SLC1A6: variants seen among roughly 807,000 people sequenced by gnomAD.
The protein encoded by SLC1A6 is excitatory amino acid transporter 4.
SLC1A6 carries 15 observed loss-of-function variants against 42.1 expected under a neutral mutation model. That is an observed-to-expected ratio of 0.36 (90% CI 0.24 to 0.55). The LOEUF is 0.55. SLC1A6 is among the 20% of genes least tolerant of loss of function. The pLI is 0.88. For synonymous variants in SLC1A6, 317 were observed against 319.7 expected (o/e 0.99, Z 0.09); for missense variants, 542 against 772.5 (o/e 0.70, Z 3.54).
chr19:14,967,721 A>G (rs941210275), intron 4 of SLC1A6, among the ~76,000 whole-genome samples: 2 of 152,192 alleles, frequency 1.3e-5, no homozygotes, highest in African/African-American at 2.4e-5. Flanking sequence ...TAGGAGTTAA[A>G]CAAACACTAG....
intron 1 of SLC1A6, among the ~76,000 whole-genome samples, chr19:14,998,044 T>A (rs1329410873): frequency 1.3e-5 from 2 of 151,924 alleles, no homozygotes; most frequent in Non-Finnish European, 2.9e-5. Context: ...AATGAATAAA[T>A]CAAGCTATTA....
rs770357344 is a variant in SLC1A6, at chr19:14,950,380, G to A, written c.1510C>T (p.Arg504Cys). Residue 504 changes from arginine to cysteine, a missense_variant, in exon 10 of 10, where the codon CGC (arginine) becomes TGC (cysteine). By Grantham distance (180) the Arg-to-Cys change is radical. Transcript: ENST00000594383. ...TCCCCCAGTACGTTGGTCATTGTGC[G>A]AAGCCGGTCACTGGTACAGGGGAGA... ...IAVDWFLDRL[R>C]TMTNVLGDSI... The A allele has an allele frequency of 1.3e-6, 2 of 1,581,110 alleles. No individual in the cohort carries two copies. Among genetic ancestry groups the A allele is most frequent in the South Asian group, 1.1e-5 (1 of 87,300 alleles).
intron 5 of SLC1A6, 105 bp from the exon 6 acceptor site, chr19:14,962,450 G>T: frequency 2.7e-6 from 2 of 736,094 alleles, no homozygotes; most frequent in Non-Finnish European, 4.6e-6. Flanking sequence ...CACCCTGGAA[G>T]ATCGATAAGA....
intron 1 of SLC1A6, among the ~76,000 whole-genome samples, chr19:15,007,658 T>C (rs1224347931): frequency 6.6e-6 from 1 of 152,134 alleles, no homozygotes; most frequent in African/African-American, 2.4e-5. Flanking sequence ...ATACAGACAC[T>C]GAGGATACAA....
In SLC1A6 at chr19:14,956,462, G is replaced by A. The variant is rs2045463965; in HGVS notation, c.1169+14C>T. ...CAACCAGGAATGGTGCTGGGGTGGG[G>A]AGCAAGGCCATACCTGGAAGACGTG... On this transcript the variant is annotated intron_variant, in intron 7 of 9. Transcript: ENST00000594383. 2 of 1,529,874 alleles carry A rather than the reference G, an allele frequency of 1.3e-6. No individual in the cohort carries two copies. The highest frequency in any genetic ancestry group is 8.9e-7 in the Non-Finnish European group (1 of 1,126,056). 94.8% of individuals were successfully genotyped at this position (1,529,874 alleles called of 1,614,324 possible).
intron 1 of SLC1A6, among the ~76,000 whole-genome samples, chr19:15,004,361 A>G (rs943822773): frequency 2.0e-5 from 3 of 152,082 alleles, no homozygotes; most frequent in Non-Finnish European, 2.9e-5. Context: ...GGAAATGGTT[A>G]GAGTGAAATC....
At chr19:14,966,934 C>T (rs566322491) in intron 4 of SLC1A6, among the ~76,000 whole-genome samples, 1 of 152,126 alleles carries the variant, frequency 6.6e-6, no homozygotes, top group South Asian at 2.1e-4. Context: ...GCATGCGGGG[C>T]TTAAAACCTA....
intron 6 of SLC1A6, 52 bp downstream of exon 6, chr19:14,961,950 C>T: frequency 1.9e-6 from 3 of 1,550,452 alleles, no homozygotes; most frequent in South Asian, 2.5e-5. Context: ...TCCCCACAGC[C>T]TGACTTCCCA....
At chr19:14,993,436 T>C (rs905690500) in intron 1 of SLC1A6, among the ~76,000 whole-genome samples, 2 of 152,136 alleles carry the variant, frequency 1.3e-5, no homozygotes, top group Admixed American at 1.3e-4. Flanking sequence ...GTCAATTTTA[T>C]GTTATGTGTA....
upstream of SLC1A6, among the ~76,000 whole-genome samples, chr19:14,984,199 C>G (rs976084259): frequency 1.3e-5 from 2 of 152,120 alleles, no homozygotes; most frequent in African/African-American, 2.4e-5. Flanking sequence ...GTCACAGCTA[C>G]TTGGGAGGCT....
intron 6 of SLC1A6, among the ~76,000 whole-genome samples, chr19:14,959,293 A>G (rs775301859): frequency 2.0e-5 from 3 of 152,222 alleles, no homozygotes; most frequent in Non-Finnish European, 2.9e-5. Flanking sequence ...AAAGTTTTAA[A>G]TTATTAGCCA....
intron 3 of SLC1A6, among the ~76,000 whole-genome samples, chr19:14,970,659 G>A (rs951933858): frequency 7.2e-5 from 11 of 151,776 alleles, no homozygotes; most frequent in Admixed American, 1.3e-4. Context: ...TGCAGTGAGC[G>A]GAGATTGTGC....
At chr19:14,998,173 G>A (rs1600037391) in intron 1 of SLC1A6, among the ~76,000 whole-genome samples, 1 of 152,142 alleles carries the variant, frequency 6.6e-6, no homozygotes, top group East Asian at 1.9e-4. Flanking sequence ...ATGATAGAAA[G>A]ACGGAATCAG....
intron 3 of SLC1A6, among the ~76,000 whole-genome samples, chr19:14,970,437 C>G (rs1010177169): frequency 6.6e-6 from 1 of 152,088 alleles, no homozygotes; most frequent in Non-Finnish European, 1.5e-5. Context: ...AATGGCCGGG[C>G]GGGGTGGCTC....
intron 2 of SLC1A6, among the ~76,000 whole-genome samples, chr19:14,972,343 T>C (rs1228786497): frequency 6.6e-6 from 1 of 152,046 alleles, no homozygotes; most frequent in Non-Finnish European, 1.5e-5. Context: ...GATGTGAATG[T>C]GTTTATAAGT....
At chr19:14,982,251 C>T (rs1194484121), upstream of SLC1A6, among the ~76,000 whole-genome samples, 2 of 152,038 alleles carry the variant, frequency 1.3e-5, no homozygotes, top group Admixed American at 6.6e-5. Context: ...CCATATTGGC[C>T]GGGCATGGTG....
chr19:14,960,557 G>A (rs576688700), intron 6 of SLC1A6, among the ~76,000 whole-genome samples: 4 of 152,324 alleles, frequency 2.6e-5, no homozygotes, highest in African/African-American at 9.6e-5. Flanking sequence ...CTGCAGAAAG[G>A]TATGAATGAA....
intron 1 of SLC1A6, among the ~76,000 whole-genome samples, chr19:15,001,087 T>C (rs2145240772): frequency 6.6e-6 from 1 of 152,316 alleles, no homozygotes; most frequent in East Asian, 1.9e-4. Context: ...ATGGAGTATG[T>C]TTTAGCATGA....
At chr19:14,986,984 T>G (rs1169470939) in intron 1 of SLC1A6, among the ~76,000 whole-genome samples, 2 of 152,172 alleles carry the variant, frequency 1.3e-5, no homozygotes, top group African/African-American at 4.8e-5. Flanking sequence ...ACACTGTTAC[T>G]CGCCCTTACT....
Sources: gnomAD v4.1 joint callset for allele counts (sites outside exome capture counted in the v4.1 genomes callset) on GRCh38, gnomAD v4.1.1 for gene constraint, MANE v1.5 for transcripts, NCBI Gene and HGNC (gene_info 2026-07-23, HGNC 2026-07-21) for gene names.